Variants in DNAH1 observed in about 807,000 individuals in gnomAD.
DNAH1 encodes the protein dynein axonemal heavy chain 1.
In DNAH1, 327 loss-of-function variants were observed where a neutral mutation model predicts 484.3. The ratio of observed to expected loss-of-function variants is 0.68; its 90% CI spans 0.62 to 0.74. The LOEUF is 0.74. Ranked by LOEUF, DNAH1 falls within the 30% of genes least tolerant of loss-of-function variation. The pLI is 0.00. For missense variants in DNAH1, 5,052 were observed against 5,546.8 expected (o/e 0.91, Z 2.83); for synonymous variants, 2,192 against 2,191.9 (o/e 1.00, Z 0.00).
intron 32 of DNAH1, among the ~76,000 whole-genome samples, chr3:52,363,723 G>T (rs1255350034): frequency 5.3e-5 from 8 of 152,174 alleles, no homozygotes; most frequent in Admixed American, 5.2e-4. Flanking sequence ...CTTCCATCAT[G>T]ATTTCAGAAA....
At chr3:52,377,518 CCT>C (rs1703656064) in intron 46 of DNAH1, among the ~76,000 whole-genome samples, 1 of 151,942 alleles carries the variant, frequency 6.6e-6, no homozygotes, top group South Asian at 2.1e-4. Context: ...CCACACTCCT[CCT>C]CTCTCACCCA....
chr3:52,365,363 C>T (rs1049004977), intron 34 of DNAH1, among the ~76,000 whole-genome samples: 1 of 152,234 alleles, frequency 6.6e-6, no homozygotes, highest in Non-Finnish European at 1.5e-5. Flanking sequence ...CCTTGCACCC[C>T]AGCCCACCTC....
chr3:52,354,655 G>T (rs1702532084), intron 20 of DNAH1, among the ~76,000 whole-genome samples, 188 bp from the exon 21 acceptor site: 1 of 151,322 alleles, frequency 6.6e-6, no homozygotes, highest in Non-Finnish European at 1.5e-5. Context: ...AAAAAAGAGT[G>T]AATTGGCCCT....
At chr3:52,388,767 C>A in intron 58 of DNAH1, 39 bp from the exon 59 acceptor site, 2 of 1,610,776 alleles carry the variant, frequency 1.2e-6, no homozygotes, top group Non-Finnish European at 1.7e-6. Flanking sequence ...GCCCCTAGCC[C>A]AGCCTCCCAG....
In DNAH1 at chr3:52,396,477, G is replaced by C; in HGVS notation, c.11369G>C (p.Arg3790Thr). The change falls in exon 71 of 78, where the codon AGG becomes ACG. Residue 3790 changes from arginine (R) to threonine (T), a missense_variant. Coordinates refer to ENST00000420323, the MANE Select transcript of DNAH1 (RefSeq NM_015512.5). ...ACCATTGAGCCGCCACGCGGTGTCA[G>C]GGCCAACCTGCTGAAGTCCTATAGT... ...KMTIEPPRGV[R>T]ANLLKSYSSL... 6.2e-7 allele frequency: 1 copy of C among 1,605,554 alleles called. No homozygotes were observed. Among genetic ancestry groups the C allele is most frequent in the Non-Finnish European group, 8.5e-7 (1 of 1,176,176 alleles).
chr3:52,323,435 C>T (rs1353343264), intron 2 of DNAH1, among the ~76,000 whole-genome samples: 2 of 152,184 alleles, frequency 1.3e-5, no homozygotes, highest in Admixed American at 6.5e-5. Context: ...GTGAGGACCA[C>T]CTGATATGCA....
chr3:52,361,600 G>A lies in DNAH1; in HGVS notation c.4875-61G>A. On this transcript the variant is annotated intron_variant, in intron 29 of 77. Coordinates refer to ENST00000420323, the MANE Select transcript of DNAH1 (RefSeq NM_015512.5). This position sits in a 1 kb window ranked among gnomAD's most constrained non-coding sequence, Gnocchi z 5.6. ...GTGGAGTTGGAGGGGGCCCTCAGAG[G>A]GAGGTGCCCAGATTGGGCTCTGAAC... The A allele has an allele frequency of 1.3e-6, 2 of 1,501,932 alleles. No individual in the cohort carries two copies. The highest frequency in any genetic ancestry group is 1.2e-5 in the South Asian group (1 of 82,426). The allele number at this position is 1,501,932 out of a possible 1,614,324, so 93.0% of individuals were successfully genotyped here.
Position 52,383,434 on chromosome 3 carries a change from G to T in DNAH1, c.7990G>T (p.Gly2664Cys). ...LEDINNVLNS[G>C]DIPNLYTADE... ...AGATATCAACAACGTCCTAAACTCT[G>T]GTGACATTCCCAATCTGTATACTGC... is the stretch of plus-strand genomic sequence containing the variant. Residue 2664 changes from glycine to cysteine, a missense_variant, in exon 51 of 78, where the codon GGT becomes TGT. By Grantham distance (159) the Gly-to-Cys change is radical. Coordinates refer to ENST00000420323, the MANE Select transcript of DNAH1 (RefSeq NM_015512.5). The T allele has an allele frequency of 1.9e-6, 3 of 1,613,996 alleles. No individual in the cohort carries two copies. Among genetic ancestry groups the T allele is most frequent in the Non-Finnish European group, 2.5e-6 (3 of 1,179,878 alleles).
Position 52,349,356 on chromosome 3 carries a change from G to A in DNAH1, c.2462G>A (p.Arg821His), listed in dbSNP as rs905018638. The A allele has an allele frequency of 6.8e-6, 11 of 1,613,994 alleles. No individual in the cohort carries two copies. The highest frequency in any genetic ancestry group is 6.7e-5 in the East Asian group (3 of 44,882). ...DNVKQSLSKK[R>H]KALATSVLDI... ...GTCAAGCAGAGCCTGTCCAAGAAAC[G>A]CAAGGCCCTGGCCACTTCCGTGCTG... The change falls in exon 14 of 78, where the codon CGC (arginine) becomes CAC (histidine). Residue 821 changes from arginine to histidine, a missense_variant. By Grantham distance (29) the Arg-to-His change is conservative. This residue lies in a region of DNAH1 where 1,263 missense variants were observed against 1,218.8 expected (regional missense o/e 1.04). Transcript: ENST00000420323.
At position 52,326,780 on chromosome 3, in the gene DNAH1, C is replaced by T; in HGVS notation, c.627C>T (p.Phe209=). 1 of 1,613,818 alleles carries T rather than the reference C, an allele frequency of 6.2e-7. No individual in the cohort carries two copies. Among genetic ancestry groups the T allele is most frequent in the Non-Finnish European group, 8.5e-7 (1 of 1,179,794 alleles). The change falls in exon 5 of 78, where the codon TTC becomes TTT. Residue 209 remains phenylalanine, a synonymous_variant. Transcript: ENST00000420323. ...YLSLDIEQLL[F]SQGIDSNKLM... is the part of the protein sequence containing the mutation. ...GCCTGGACATTGAGCAGTTGCTGTT[C>T]AGCCAGGGCATCGACTCCAACAAGC...
rs1273017237 is a variant in DNAH1, at chr3:52,373,570, T to C, written c.6985+517T>C. 2.7e-6 allele frequency: 4 copies of C among 1,483,772 alleles called. No individual in the cohort carries two copies. The East Asian group carries it at 9.1e-5, about 34-fold the overall frequency. 91.9% of individuals were successfully genotyped at this position (1,483,772 alleles called of 1,614,324 possible). A position where few individuals can be genotyped will look rare whatever the true frequency, so the allele number is the denominator to read the frequency against. On this transcript the variant is annotated intron_variant, in intron 44 of 77. Transcript: ENST00000420323. ...ATAAAAGTACCCGTCTCTCAGCCCATAGTGAAGAAAGACAAACAGCAAAAT... is the reference window on the plus strand; with the variant it reads ...ATAAAAGTACCCGTCTCTCAGCCCACAGTGAAGAAAGACAAACAGCAAAAT...
chr3:52,395,679 G>GT lies in DNAH1; in HGVS notation c.11259+2dup. The GT allele has an allele frequency of 6.2e-7, 1 of 1,612,990 alleles. No homozygotes were observed. Among genetic ancestry groups the GT allele is most frequent in the Non-Finnish European group, 8.5e-7 (1 of 1,179,508 alleles). ...CATCGAGCACATCAACCCCGACAAG[G>GT]TGTGTTGCCCTGCCCATCACAGACC... On this transcript the variant is annotated splice_donor_variant, in intron 70 of 77. Transcript: ENST00000420323. LOFTEE classifies it high-confidence loss of function. This position sits in a 1 kb window ranked among gnomAD's most constrained non-coding sequence, Gnocchi z 4.4.
intron 6 of DNAH1, among the ~76,000 whole-genome samples, chr3:52,329,469 G>C (rs1374050014): frequency 6.6e-6 from 1 of 152,170 alleles, no homozygotes; most frequent in Admixed American, 6.5e-5. Flanking sequence ...AACAGGTGGG[G>C]AGCATTTCCT....
upstream of DNAH1, among the ~76,000 whole-genome samples, chr3:52,314,184 G>A (rs1700877438): frequency 1.3e-5 from 2 of 152,220 alleles, no homozygotes; most frequent in Non-Finnish European, 2.9e-5. Flanking sequence ...CAAACTCCTT[G>A]GGACTGAGGA....
Position 52,379,002 on chromosome 3 carries a change from A to G in DNAH1, c.7377+222A>G, listed in dbSNP as rs1703724215. Among the ~76,000 whole-genome samples, 1 of 152,160 alleles carries G rather than the reference A, an allele frequency of 6.6e-6. No individual in the cohort carries two copies. The highest frequency in any genetic ancestry group is 1.9e-4 in the East Asian group (1 of 5,192). On this transcript the variant is annotated intron_variant, in intron 47 of 77. Coordinates refer to ENST00000420323, the MANE Select transcript of DNAH1 (RefSeq NM_015512.5). This position sits in a 1 kb window ranked among gnomAD's most constrained non-coding sequence, Gnocchi z 4.4. Reference sequence around the variant, plus strand: ...GGCTGAGACGGGGATCACATGAGAGAGCCAGGGCAAGACGAGGGAGAAAGA... The same window carrying G: ...GGCTGAGACGGGGATCACATGAGAGGGCCAGGGCAAGACGAGGGAGAAAGA...
At position 52,368,361 on chromosome 3, in the gene DNAH1, C is replaced by T. The variant is rs904172400; in HGVS notation, c.5766-380C>T. 6.6e-6 allele frequency among the ~76,000 whole-genome samples: 1 copy of T among 152,176 alleles called. No homozygotes were observed. Among genetic ancestry groups the T allele is most frequent in the Admixed American group, 6.5e-5 (1 of 15,278 alleles). On this transcript the variant is annotated intron_variant, in intron 36 of 77. Transcript: ENST00000420323. The surrounding 1 kb of genome is among the most constrained non-coding windows in gnomAD (Gnocchi z 4.4). ...GTGCTGCCTCTGAGGTCTGAGTCCC[C>T]TGGGTTCTGAGGCAGGACCTGGCCA...
intron 70 of DNAH1, 140 bp from the exon 71 acceptor site, chr3:52,396,228 C>T: frequency 1.0e-6 from 1 of 961,262 alleles, no homozygotes; most frequent in South Asian, 1.7e-5. Flanking sequence ...CCACCGCGCC[C>T]AGCCAAAAGC....
chr3:52,331,253 G>T lies in DNAH1; in HGVS notation c.977G>T (p.Gly326Val). 3 of 1,611,550 alleles carry T rather than the reference G, an allele frequency of 1.9e-6. No individual in the cohort carries two copies. Among genetic ancestry groups the T allele is most frequent in the Non-Finnish European group, 2.5e-6 (3 of 1,178,916 alleles). ...CTGGTACACAAGACAGACGAGAAAG[G>T]CCTGGTGCGAGATGAGATGGGGAGG... ...LYLVHKTDEKGLVRDEMGRPI... is the reference protein window; with the variant it reads ...LYLVHKTDEKVLVRDEMGRPI... Residue 326 changes from glycine to valine, a missense_variant, in exon 7 of 78, where the codon GGC becomes GTC. By Grantham distance (109) the Gly-to-Val change is moderately radical. Around this residue, in one of 4 missense-constraint regions of DNAH1, gnomAD observed 1,263 missense variants for 1,218.8 expected, o/e 1.04. Coordinates refer to ENST00000420323, the MANE Select transcript of DNAH1 (RefSeq NM_015512.5).
intron 6 of DNAH1, among the ~76,000 whole-genome samples, chr3:52,330,890 G>A (rs904937247): frequency 1.1e-4 from 16 of 152,220 alleles, no homozygotes; most frequent in African/African-American, 3.9e-4. Context: ...TCTCTGCCCT[G>A]GTGGAGGTTG....
Sources: gnomAD v4.1 joint callset for allele counts (sites outside exome capture counted in the v4.1 genomes callset) on GRCh38, gnomAD v4.1.1 for gene constraint, gnomAD v4.1.1 regional missense constraint, Gnocchi (gnomAD v3.1) non-coding constraint, MANE v1.5 for transcripts, NCBI Gene and HGNC (gene_info 2026-07-23, HGNC 2026-07-21) for gene names.